Variants in ZNF69 observed in about 807,000 individuals in gnomAD.
ZNF69 encodes ZNF3.
Under a neutral mutation model 50.9 loss-of-function variants are expected in ZNF69, and 47 were observed. The observed-to-expected ratio is 0.92, with a 90% confidence interval of 0.73 to 1.18. The LOEUF (loss-of-function observed/expected upper bound fraction) is 1.18. Ranked by LOEUF, ZNF69 falls within the 50% of genes most tolerant of loss-of-function variation. The probability of loss-of-function intolerance (pLI) is 0.00; values close to 1 mark genes in which losing one functional copy is unlikely to be tolerated. For missense variants in ZNF69, 717 were observed against 675.1 expected (o/e 1.06, Z -0.69); for synonymous variants, 216 against 223.1 (o/e 0.97, Z 0.29).
chr19:11,962,156 A>G, the ZNF69 span, among the ~76,000 whole-genome samples: 1 of 151,848 alleles, frequency 6.6e-6, no homozygotes, highest in Non-Finnish European at 1.5e-5. Flanking sequence ...GGTGGCTCAC[A>G]CCTGTAATCC....
intron 1 of ZNF69, among the ~76,000 whole-genome samples, chr19:11,893,742 C>T (rs1421517091): frequency 3.3e-5 from 5 of 152,080 alleles, no homozygotes; most frequent in African/African-American, 9.7e-5. Flanking sequence ...TGGGGCCTCC[C>T]GAGGGAGCAG....
At chr19:11,904,597 A>G in intron 3 of ZNF69, 52 bp from the exon 4 acceptor site, 1 of 1,578,264 alleles carries the variant, frequency 6.3e-7, no homozygotes, top group Non-Finnish European at 8.6e-7. Context: ...GTTGATTAAT[A>G]TAAAATTACT....
rs773304721 is a variant in ZNF69, at chr19:11,904,806, G to C, written c.409G>C (p.Gly137Arg). The change falls in exon 4 of 4, where the codon GGT becomes CGT. Residue 137 changes from glycine (G) to arginine (R), a missense_variant. Gly to Arg is a moderately radical substitution (Grantham distance 125). Transcript: ENST00000429654. ...CTTTGTGTGTGGAGAAGTTGGCCTA[G>C]GTAACTCATCTTTTAATATGAACAT... ...DSFVCGEVGL[G>R]NSSFNMNIRG... 20 of 1,613,872 alleles carry C rather than the reference G, an allele frequency of 1.2e-5. No individual in the cohort carries two copies. The highest frequency in any genetic ancestry group is 1.5e-5 in the Non-Finnish European group (18 of 1,179,968).
chr19:11,965,106 C>T, the ZNF69 span: 1 of 1,524,680 alleles, frequency 6.6e-7, no homozygotes, highest in South Asian at 1.1e-5. Flanking sequence ...CGAGAGGGAC[C>T]TGGTACCTCT....
At chr19:11,940,179 C>T in the ZNF69 span, among the ~76,000 whole-genome samples, 1 of 152,174 alleles carries the variant, frequency 6.6e-6, no homozygotes. Flanking sequence ...ATCGACCTGC[C>T]TCGGCCTCCA....
At chr19:11,916,673 G>A (rs1037136172), downstream of ZNF69, among the ~76,000 whole-genome samples, 4 of 152,292 alleles carry the variant, frequency 2.6e-5, no homozygotes, top group Middle Eastern at 3.4e-3. Context: ...TGCTTTGGTA[G>A]ATAGATATTT....
At chr19:11,947,503 C>T in the ZNF69 span, 2 of 1,611,614 alleles carry the variant, frequency 1.2e-6, no homozygotes, top group Non-Finnish European at 1.7e-6. Flanking sequence ...TTTTCTGTGT[C>T]TGTATTTTAG....
chr19:11,965,502 C>A, the ZNF69 span, among the ~76,000 whole-genome samples: 1 of 152,226 alleles, frequency 6.6e-6, no homozygotes, highest in Admixed American at 6.5e-5. Context: ...TATGCGGAAG[C>A]CACGAGAGGG....
chr19:11,936,864 G>GT, the ZNF69 span, among the ~76,000 whole-genome samples: 1 of 152,136 alleles, frequency 6.6e-6, no homozygotes, highest in Non-Finnish European at 1.5e-5. Flanking sequence ...TAATTTTTGT[G>GT]TAAGGTGTAA....
At chr19:11,928,264 A>G in the ZNF69 span, among the ~76,000 whole-genome samples, 1 of 152,126 alleles carries the variant, frequency 6.6e-6, no homozygotes, top group African/African-American at 2.4e-5. Context: ...GGGATTACAG[A>G]TACAGATATC....
intron 1 of ZNF69, among the ~76,000 whole-genome samples, chr19:11,889,858 GAGA>G (rs1316380509): frequency 6.6e-6 from 1 of 152,166 alleles, no homozygotes; most frequent in East Asian, 1.9e-4. Flanking sequence ...TGATGGTGGG[GAGA>G]AGGTCAGCAG....
the ZNF69 span, among the ~76,000 whole-genome samples, chr19:11,970,403 A>G: frequency 2.0e-5 from 3 of 152,252 alleles, no homozygotes; most frequent in Non-Finnish European, 4.4e-5. Context: ...GAGTTTGAGT[A>G]AAGTTTTCTT....
chr19:11,911,561 A>G (rs968389580), downstream of ZNF69, among the ~76,000 whole-genome samples: 2 of 152,178 alleles, frequency 1.3e-5, no homozygotes, highest in African/African-American at 2.4e-5. Context: ...TTCTGAGCAA[A>G]CTATAACAAG....
intron 1 of ZNF69, among the ~76,000 whole-genome samples, chr19:11,898,547 C>T (rs1319731007): frequency 6.6e-6 from 1 of 152,042 alleles, no homozygotes; most frequent in Non-Finnish European, 1.5e-5. Flanking sequence ...CACACCACCA[C>T]ACCCAACTAA....
rs530921737 is a variant in ZNF69, at chr19:11,904,391, G to C, written c.252-258G>C. On this transcript the variant is annotated intron_variant, in intron 3 of 3. Coordinates refer to ENST00000429654, the MANE Select transcript of ZNF69 (RefSeq NM_001364730.1). ...CGAGACCCCTAAATAAAAGAAAAATGACACAGAGTATTTAGTATTTGTAAA... is the reference window on the plus strand; with the variant it reads ...CGAGACCCCTAAATAAAAGAAAAATCACACAGAGTATTTAGTATTTGTAAA... Among the ~76,000 whole-genome samples the C allele has an allele frequency of 8.8e-4, 134 of 152,268 alleles. 1 individual carries two copies. Among genetic ancestry groups the C allele is most frequent in the African/African-American group, 3.0e-3 (125 of 41,558 alleles).
chr19:11,936,448 G>C, the ZNF69 span, among the ~76,000 whole-genome samples: 2 of 152,192 alleles, frequency 1.3e-5, no homozygotes, highest in Admixed American at 1.3e-4. Flanking sequence ...GTGTTGATGA[G>C]CATTTTTTCA....
the ZNF69 span, chr19:11,948,987 T>G: frequency 3.7e-6 from 6 of 1,608,398 alleles, no homozygotes; most frequent in South Asian, 5.6e-5. Context: ...CCAGTTCTCT[T>G]CGTAGACATG....
downstream of ZNF69, among the ~76,000 whole-genome samples, chr19:11,910,254 A>G (rs554116706): frequency 3.9e-4 from 59 of 152,318 alleles, no homozygotes; most frequent in African/African-American, 1.3e-3. Flanking sequence ...GCCCAAGGTA[A>G]TTTGTAGATT....
downstream of ZNF69, among the ~76,000 whole-genome samples, chr19:11,915,706 C>A (rs1239227256): frequency 3.9e-5 from 6 of 151,934 alleles, no homozygotes; most frequent in Non-Finnish European, 7.4e-5. Context: ...GAGTTTGAGA[C>A]CAACCAGGCC....
Sources: allele counts gnomAD v4.1 joint callset (sites outside exome capture counted in the v4.1 genomes callset), GRCh38; gene constraint gnomAD v4.1.1; transcripts MANE v1.5; gene names NCBI Gene and HGNC (gene_info 2026-07-23, HGNC 2026-07-21).